Variants in RFC3 observed in about 807,000 individuals in gnomAD.
RFC3 encodes the protein replication factor C subunit 3.
In RFC3, 41 loss-of-function variants were observed where a neutral mutation model predicts 45.1. The observed-to-expected ratio is 0.91, with a 90% confidence interval of 0.71 to 1.18. RFC3 has a LOEUF of 1.18. Among genes scored for constraint, RFC3 ranks in the 50% most tolerant of loss-of-function variants. The pLI is 0.00. For missense variants in RFC3, 423 were observed against 428.1 expected (o/e 0.99, Z 0.10); for synonymous variants, 149 against 144.0 (o/e 1.03, Z -0.25).
chr13:33,831,172 G>A (rs537457844), intron 6 of RFC3, 84 bp from the exon 7 acceptor site: 29 of 836,404 alleles, frequency 3.5e-5, no homozygotes, highest in South Asian at 3.3e-4. Flanking sequence ...GTTCCTAACC[G>A]CACGGACCAG....
At chr13:33,973,609 T>TCTC in the RFC3 span, among the ~76,000 whole-genome samples, 2 of 150,196 alleles carry the variant, frequency 1.3e-5, no homozygotes, top group East Asian at 3.9e-4. Flanking sequence ...TCCTTCTCCT[T>TCTC]CTCCTCCTTC....
intron 8 of RFC3, among the ~76,000 whole-genome samples, chr13:33,856,303 G>A (rs1225222298): frequency 6.6e-6 from 1 of 152,132 alleles, no homozygotes; most frequent in African/African-American, 2.4e-5. Context: ...GATGGACACA[G>A]ACAGGTAAAC....
At chr13:33,960,405 C>T (rs896349200) in intron 8 of RFC3, among the ~76,000 whole-genome samples, 1 of 152,148 alleles carries the variant, frequency 6.6e-6, no homozygotes, top group Admixed American at 6.5e-5. Flanking sequence ...CTAGCTTCTC[C>T]GCAGAAACTT....
At chr13:33,940,315 C>T (rs936113696) in intron 8 of RFC3, among the ~76,000 whole-genome samples, 1 of 152,044 alleles carries the variant, frequency 6.6e-6, no homozygotes, top group Non-Finnish European at 1.5e-5. Context: ...TTTGTTTTTT[C>T]ATTGCAACTT....
At chr13:33,950,164 C>A (rs1287288224) in intron 8 of RFC3, among the ~76,000 whole-genome samples, 1 of 151,500 alleles carries the variant, frequency 6.6e-6, no homozygotes, top group Non-Finnish European at 1.5e-5. Flanking sequence ...CCATTTAATT[C>A]CATAGAATAT....
At chr13:33,850,939 T>C (rs974652249) in intron 8 of RFC3, 11 of 152,196 alleles carry the variant, frequency 7.2e-5, no homozygotes, top group African/African-American at 2.2e-4. Flanking sequence ...GTAGTTGATA[T>C]TACTTTCGGA....
At chr13:33,901,260 A>G (rs2137669458) in intron 8 of RFC3, among the ~76,000 whole-genome samples, 1 of 152,188 alleles carries the variant, frequency 6.6e-6, no homozygotes, top group South Asian at 2.1e-4. Flanking sequence ...TTGCAACCCT[A>G]TTTACAATAA....
At chr13:33,938,112 A>G (rs1404125978) in intron 8 of RFC3, among the ~76,000 whole-genome samples, 1 of 143,684 alleles carries the variant, frequency 7.0e-6, no homozygotes, top group Non-Finnish European at 1.5e-5. Context: ...ATGTTTGCAA[A>G]TGTCCTAAGG....
chr13:33,972,353 C>G, the RFC3 span, among the ~76,000 whole-genome samples: 2 of 152,104 alleles, frequency 1.3e-5, no homozygotes, highest in African/African-American at 4.8e-5. Flanking sequence ...ACTTCCAGCC[C>G]TGGGTTGGTG....
At chr13:33,894,681 A>G (rs983548426) in intron 8 of RFC3, among the ~76,000 whole-genome samples, 6 of 152,208 alleles carry the variant, frequency 3.9e-5, no homozygotes, top group Admixed American at 3.9e-4. Flanking sequence ...TCTGGAACCT[A>G]GCTAGCTGTT....
chr13:33,890,430 G>T (rs1325636654), intron 8 of RFC3, among the ~76,000 whole-genome samples: 1 of 152,118 alleles, frequency 6.6e-6, no homozygotes, highest in Non-Finnish European at 1.5e-5. Flanking sequence ...GACTTCATTA[G>T]ACTAGAAGGG....
intron 8 of RFC3, among the ~76,000 whole-genome samples, chr13:33,865,574 A>G (rs960430276): frequency 4.6e-5 from 7 of 152,216 alleles, no homozygotes; most frequent in Non-Finnish European, 1.0e-4. Flanking sequence ...ATAATTATAG[A>G]CCAATGTATT....
intron 8 of RFC3, among the ~76,000 whole-genome samples, chr13:33,948,463 G>A (rs566197528): frequency 2.0e-5 from 3 of 152,348 alleles, no homozygotes; most frequent in South Asian, 4.1e-4. Context: ...GAAAGTAAAT[G>A]TGCGGTTGGA....
At chr13:33,818,627 C>T (rs578104932) in intron 1 of RFC3, among the ~76,000 whole-genome samples, 2 of 152,314 alleles carry the variant, frequency 1.3e-5, no homozygotes, top group South Asian at 2.1e-4. Flanking sequence ...TAGTGGTGAA[C>T]CAGCGGGAAG....
At chr13:33,859,878 T>C (rs1369988842) in intron 8 of RFC3, among the ~76,000 whole-genome samples, 1 of 152,180 alleles carries the variant, frequency 6.6e-6, no homozygotes, top group African/African-American at 2.4e-5. Flanking sequence ...ATTCATATGT[T>C]GAAGCCCTAA....
intron 8 of RFC3, among the ~76,000 whole-genome samples, chr13:33,901,642 T>C (rs2082642509): frequency 6.6e-6 from 1 of 152,086 alleles, no homozygotes; most frequent in African/African-American, 2.4e-5. Flanking sequence ...AGGGTGACTA[T>C]AGTTTATAAT....
At chr13:33,966,145 T>TG in exon 9 of RFC3, 2 of 1,589,502 alleles carry the variant, frequency 1.3e-6, no homozygotes, top group Non-Finnish European at 1.7e-6. Context: ...AAGAACAACT[T>TG]GCTACTGACT....
intron 8 of RFC3, among the ~76,000 whole-genome samples, chr13:33,869,765 G>T (rs1204137160): frequency 6.6e-6 from 1 of 152,150 alleles, no homozygotes; most frequent in Non-Finnish European, 1.5e-5. Context: ...TTCACATTGC[G>T]AGAGTTAATC....
At chr13:33,948,462 T>C (rs2082968225) in intron 8 of RFC3, among the ~76,000 whole-genome samples, 1 of 152,154 alleles carries the variant, frequency 6.6e-6, no homozygotes, top group African/African-American at 2.4e-5. Context: ...GGAAAGTAAA[T>C]GTGCGGTTGG....
Sources: gnomAD v4.1 joint callset for allele counts (sites outside exome capture counted in the v4.1 genomes callset) on GRCh38, gnomAD v4.1.1 for gene constraint, MANE v1.5 for transcripts, NCBI Gene and HGNC (gene_info 2026-07-23, HGNC 2026-07-21) for gene names.